DENND5B: variants seen among roughly 807,000 people sequenced by gnomAD.
The protein encoded by DENND5B is DENN domain-containing protein 5B.
DENND5B carries 34 observed loss-of-function variants against 140.6 expected under a neutral mutation model. The observed-to-expected ratio is 0.24, with a 90% CI of 0.18 to 0.32. DENND5B has a LOEUF of 0.32. DENND5B is among the 10% of genes least tolerant of loss of function. The pLI, the probability that DENND5B is intolerant of heterozygous loss-of-function variation, is 1.00. For missense variants in DENND5B, 1,142 were observed against 1,560.2 expected, an observed-to-expected ratio of 0.73 and a Z score of 4.52; for synonymous variants, 551 against 562.1, an observed-to-expected ratio of 0.98 and a Z score of 0.28.
chr12:31,551,138 A>G (rs1028229597), intron 1 of DENND5B, among the ~76,000 whole-genome samples: 7 of 152,000 alleles, frequency 4.6e-5, no homozygotes, highest in Admixed American at 3.9e-4. Context: ...GTCCTTGCCC[A>G]TGCCTATGTC....
At chr12:31,590,373 C>A (rs920165930) in intron 1 of DENND5B, 9 of 171,588 alleles carry the variant, frequency 5.2e-5, no homozygotes, top group Non-Finnish European at 9.9e-5. Context: ...AGCCCGCGCG[C>A]CCGGTGACTC....
chr12:31,423,679 A>C lies in DENND5B; in HGVS notation c.2392-4T>G. 1 of 1,613,332 alleles carries C rather than the reference A, an allele frequency of 6.2e-7. No individual in the cohort carries two copies. The highest frequency in any genetic ancestry group is 8.5e-7 in the Non-Finnish European group (1 of 1,179,404). ...GTGACCACAAAGCCGACTTCCCCTG[A>C]AAGTACAAGATGTGTAAAAATTTCA... On this transcript the variant is annotated splice_polypyrimidine_tract_variant and splice_region_variant and intron_variant, in intron 10 of 20. Coordinates refer to ENST00000389082, the MANE Select transcript of DENND5B (RefSeq NM_144973.4).
Position 31,392,681 on chromosome 12 carries a change from T to A in DENND5B, c.3272A>T (p.Gln1091Leu). The change falls in exon 18 of 21, where the codon CAG (glutamine) becomes CTG (leucine). Residue 1091 changes from glutamine to leucine, a missense_variant. By Grantham distance (113) the Gln-to-Leu change is moderately radical. Coordinates refer to ENST00000389082, the MANE Select transcript of DENND5B (RefSeq NM_144973.4). ...TGKNNKPNAG[Q>L]IQEGIGEAVN... ...AGCTTCTCCAATTCCTTCTTGTATCTGCCCAGCATTGGGTTCTGTAAAATA... is the reference window on the plus strand; with the variant it reads ...AGCTTCTCCAATTCCTTCTTGTATCAGCCCAGCATTGGGTTCTGTAAAATA... 6.4e-7 allele frequency: 1 copy of A among 1,556,118 alleles called. No homozygotes were observed. Among genetic ancestry groups the A allele is most frequent in the Non-Finnish European group, 8.7e-7 (1 of 1,148,838 alleles).
intron 2 of DENND5B, among the ~76,000 whole-genome samples, chr12:31,483,982 T>C (rs374503672): frequency 6.0e-5 from 9 of 150,930 alleles, no homozygotes; most frequent in African/African-American, 1.9e-4. Context: ...GCCTCCCGAG[T>C]AGCTGGGACT....
At chr12:31,390,272 A>G (rs1446215041) in intron 19 of DENND5B, among the ~76,000 whole-genome samples, 1 of 152,220 alleles carries the variant, frequency 6.6e-6, no homozygotes, top group Non-Finnish European at 1.5e-5. Context: ...GGTAGCCACA[A>G]GTGGCTCCTG....
intron 9 of DENND5B, 145 bp downstream of exon 9, chr12:31,426,147 TA>T: frequency 1.2e-6 from 1 of 857,878 alleles, no homozygotes; most frequent in Non-Finnish European, 1.7e-6. Flanking sequence ...AATACCCGAG[TA>T]AAGAGCACAT....
chr12:31,504,841 C>T (rs542944116), intron 1 of DENND5B, among the ~76,000 whole-genome samples: 1 of 152,314 alleles, frequency 6.6e-6, no homozygotes, highest in South Asian at 2.1e-4. Context: ...GCAATGACGT[C>T]ATTTCCGGGT....
rs71444401 is a variant in DENND5B at position 31,419,447 on chromosome 12, C to CAAA, written c.2471-4002_2471-4000dup. Among the ~76,000 whole-genome samples the CAAA allele has an allele frequency of 2.7e-3, 350 of 131,638 alleles. 2 individuals are homozygous for CAAA. The highest frequency in any genetic ancestry group is 4.0e-3 in the Middle Eastern group (1 of 252). 86.4% of individuals were successfully genotyped at this position (131,638 alleles called of 152,430 possible). ...ACAAGAGCGAGCGAAACTCCATCTC[C>CAAA]AAAAAAAAAAAAAGAATGAACACAA... On this transcript the variant is annotated intron_variant, in intron 11 of 20. Transcript: ENST00000389082.
intron 4 of DENND5B, among the ~76,000 whole-genome samples, chr12:31,457,484 A>C (rs1944826811): frequency 6.6e-6 from 1 of 152,164 alleles, no homozygotes; most frequent in Non-Finnish European, 1.5e-5. Flanking sequence ...TTTAGCCATT[A>C]TTTTATTTTA....
At chr12:31,408,693 A>G (rs1368985709) in intron 14 of DENND5B, among the ~76,000 whole-genome samples, 2 of 151,750 alleles carry the variant, frequency 1.3e-5, no homozygotes, top group African/African-American at 4.8e-5. Context: ...ATGATGTCCA[A>G]TTGCATAAGT....
chr12:31,439,929 C>CAAAAAAAAAAAAAAAAAA (rs67272470), intron 7 of DENND5B, among the ~76,000 whole-genome samples: 2 of 52,300 alleles, frequency 3.8e-5, no homozygotes, highest in African/African-American at 1.7e-4. Flanking sequence ...GACTCCGTCT[C>CAAAAAAAAAAAAAAAAAA]AAAAAAAAAA....
At chr12:31,498,143 T>TC (rs1261603690) in intron 1 of DENND5B, among the ~76,000 whole-genome samples, 1 of 152,114 alleles carries the variant, frequency 6.6e-6, no homozygotes. Context: ...AGAAACCCTC[T>TC]CCTTCACCTA....
At chr12:31,497,091 T>C (rs1946788978) in intron 1 of DENND5B, among the ~76,000 whole-genome samples, 1 of 151,932 alleles carries the variant, frequency 6.6e-6, no homozygotes, top group Admixed American at 6.5e-5. Context: ...AGTTTCTATT[T>C]TGGGTAAAAA....
chr12:31,460,414 G>T (rs895211563), intron 3 of DENND5B, 33 bp from the exon 4 acceptor site: 2 of 1,574,012 alleles, frequency 1.3e-6, no homozygotes, highest in Non-Finnish European at 1.7e-6. Context: ...AAAGGGAAGA[G>T]TCCAAGTAAA....
chr12:31,460,732 G>A (rs539682909), intron 3 of DENND5B, among the ~76,000 whole-genome samples: 49 of 152,216 alleles, frequency 3.2e-4, no homozygotes, highest in Non-Finnish European at 6.5e-4. Context: ...GTGTAACATT[G>A]TTATTATTTT....
At chr12:31,455,470 C>T (rs534663130) in intron 4 of DENND5B, among the ~76,000 whole-genome samples, 30 of 152,232 alleles carry the variant, frequency 2.0e-4, no homozygotes, top group Admixed American at 1.9e-3. Flanking sequence ...GAAATACAAA[C>T]TGTGTTATGA....
At chr12:31,449,309 T>C (rs2138082095) in intron 5 of DENND5B, among the ~76,000 whole-genome samples, 1 of 152,342 alleles carries the variant, frequency 6.6e-6, no homozygotes, top group South Asian at 2.1e-4. Flanking sequence ...TTTAAGTAGT[T>C]CCATAGTTCA....
At chr12:31,568,560 C>A (rs1481497838) in intron 1 of DENND5B, among the ~76,000 whole-genome samples, 1 of 152,152 alleles carries the variant, frequency 6.6e-6, no homozygotes, top group Non-Finnish European at 1.5e-5. Context: ...GGAGTGAAGG[C>A]TAGAGGAGGA....
intron 14 of DENND5B, 60 bp from the exon 15 acceptor site, chr12:31,402,703 A>G: frequency 3.3e-6 from 5 of 1,520,194 alleles, no homozygotes; most frequent in Non-Finnish European, 4.4e-6. Context: ...TTATAACAAA[A>G]CATATATTAA....
Sources: allele counts gnomAD v4.1 joint callset (sites outside exome capture counted in the v4.1 genomes callset), GRCh38; gene constraint gnomAD v4.1.1; transcripts MANE v1.5; gene names NCBI Gene and HGNC (gene_info 2026-07-23, HGNC 2026-07-21).